The following ITSN2 variants were observed in gnomAD, a reference collection of about 807,000 sequenced individuals.
ITSN2 encodes intersectin-2.
Under a neutral mutation model 243.7 loss-of-function variants are expected in ITSN2, and 156 were observed. The ratio of observed to expected loss-of-function variants is 0.64; its 90% CI spans 0.56 to 0.73. The LOEUF (loss-of-function observed/expected upper bound fraction) is 0.73. Ranked by LOEUF, ITSN2 falls within the 30% of genes least tolerant of loss-of-function variation. The probability of loss-of-function intolerance (pLI) is 0.00; values close to 1 mark genes in which losing one functional copy is unlikely to be tolerated. For synonymous variants in ITSN2, 703 were observed against 699.9 expected (o/e 1.00, Z -0.07); for missense variants, 1,801 against 1,996.1 (o/e 0.90, Z 1.86).
At chr2:24,335,984 G>GT (rs1258129842) in intron 1 of ITSN2, among the ~76,000 whole-genome samples, 1 of 150,364 alleles carries the variant, frequency 6.7e-6, no homozygotes, top group Non-Finnish European at 1.5e-5. Flanking sequence ...GCTCAAGCCT[G>GT]TAATCCCAGC....
chr2:24,209,137 G>C lies in ITSN2; in HGVS notation c.4558C>G (p.Arg1520Gly). Residue 1520 changes from arginine to glycine, a missense_variant, in exon 36 of 40, where the codon CGG (arginine) becomes GGG (glycine). Coordinates refer to ENST00000355123, the MANE Select transcript of ITSN2 (RefSeq NM_006277.3). ...TTGTCTGTTCGGAGGGTGTAGACCC[G>C]ATCAATGTGGGAAATGTGGAAGACA... ...EPVFHISHID[R>G]VYTLRTDNIN... The C allele has an allele frequency of 6.2e-7, 1 of 1,614,030 alleles. No individual in the cohort carries two copies. The highest frequency in any genetic ancestry group is 8.5e-7 in the Non-Finnish European group (1 of 1,179,936).
rs1309046124 is a variant in ITSN2 at position 24,261,757 on chromosome 2, A to T, written c.2356-15T>A. On this transcript the variant is annotated splice_polypyrimidine_tract_variant and intron_variant, in intron 20 of 39. Coordinates refer to ENST00000355123, the MANE Select transcript of ITSN2 (RefSeq NM_006277.3). ...TTTTCATCAACCTACGGAAATAAAA[A>T]GAAGGATTAACAGTGCTTAGAAATT... The T allele has an allele frequency of 1.9e-6, 3 of 1,596,288 alleles. No homozygotes were observed. Among genetic ancestry groups the T allele is most frequent in the Non-Finnish European group, 2.6e-6 (3 of 1,166,538 alleles).
At chr2:24,253,962 A>G (rs1342584040) in intron 24 of ITSN2, among the ~76,000 whole-genome samples, 1 of 152,208 alleles carries the variant, frequency 6.6e-6, no homozygotes, top group Admixed American at 6.5e-5. Context: ...TCTTTGCAAT[A>G]CTTATGATAA....
chr2:24,205,466 T>C, intron 37 of ITSN2, 169 bp from the exon 38 acceptor site: 1 of 578,608 alleles, frequency 1.7e-6, no homozygotes, highest in Admixed American at 2.8e-5. Context: ...TGTTGCCTGC[T>C]AGGAAGCCCC....
At chr2:24,338,831 A>C (rs1469221496) in intron 1 of ITSN2, among the ~76,000 whole-genome samples, 7 of 152,146 alleles carry the variant, frequency 4.6e-5, no homozygotes, top group African/African-American at 1.7e-4. Context: ...ACTCTACAAA[A>C]ATAATAATAA....
chr2:24,334,641 A>G, intron 1 of ITSN2: 1 of 1,314,534 alleles, frequency 7.6e-7, no homozygotes, highest in East Asian at 2.3e-5. Flanking sequence ...TTATACAGGA[A>G]GCAGAGTGGT....
intron 29 of ITSN2, among the ~76,000 whole-genome samples, chr2:24,227,758 A>C (rs1184331352): frequency 1.3e-5 from 2 of 152,158 alleles, no homozygotes; most frequent in African/African-American, 4.8e-5. Context: ...TCTCTACTAA[A>C]AATACAAAAA....
At chr2:24,213,930 G>A (rs763431709) in intron 32 of ITSN2, among the ~76,000 whole-genome samples, 3 of 152,156 alleles carry the variant, frequency 2.0e-5, no homozygotes, top group Non-Finnish European at 4.4e-5. Flanking sequence ...GGAAAAATAC[G>A]ATAATCATTT....
At chr2:24,282,480 C>G (rs559535092) in intron 17 of ITSN2, among the ~76,000 whole-genome samples, 3 of 152,328 alleles carry the variant, frequency 2.0e-5, no homozygotes, top group South Asian at 2.1e-4. Context: ...TACACCAAGG[C>G]AAGAAACCCT....
chr2:24,238,961 C>A (rs990000040), intron 29 of ITSN2: 11 of 152,234 alleles, frequency 7.2e-5, no homozygotes, highest in Non-Finnish European at 1.3e-4. Context: ...AATAAACACA[C>A]TTGCATAGTT....
intron 3 of ITSN2, 137 bp downstream of exon 3, chr2:24,314,995 C>A (rs1332968337): frequency 4.5e-6 from 2 of 444,980 alleles, no homozygotes; most frequent in Non-Finnish European, 8.0e-6. Context: ...GTTAGCATTT[C>A]TTTAATTTCT....
chr2:24,218,045 T>A (rs557363516), intron 30 of ITSN2, 32 bp from the exon 31 acceptor site: 2 of 1,471,852 alleles, frequency 1.4e-6, no homozygotes, highest in East Asian at 4.5e-5. Flanking sequence ...ACTAGTTAGC[T>A]TAAGTGTGGA....
At chr2:24,302,672 G>A (rs920210574) in intron 9 of ITSN2, among the ~76,000 whole-genome samples, 2 of 152,148 alleles carry the variant, frequency 1.3e-5, no homozygotes, top group Admixed American at 6.5e-5. Flanking sequence ...AAAAGAGAGG[G>A]AAGAAACTTT....
At chr2:24,339,559 C>T (rs1201231370) in intron 1 of ITSN2, among the ~76,000 whole-genome samples, 1 of 151,510 alleles carries the variant, frequency 6.6e-6, no homozygotes, top group Non-Finnish European at 1.5e-5. Context: ...CAAGGAGGTA[C>T]AACAGAGGTG....
chr2:24,204,539 G>A lies in ITSN2; in HGVS notation c.4763-121C>T. 1.1e-6 allele frequency: 1 copy of A among 884,146 alleles called. No homozygotes were observed. The allele number at this position is 884,146 out of a possible 1,614,324, so 54.8% of individuals were successfully genotyped here. On this transcript the variant is annotated intron_variant, in intron 38 of 39. Transcript: ENST00000355123. This position sits in a 1 kb window ranked among gnomAD's most constrained non-coding sequence, Gnocchi z 5.1. Reference sequence around the variant, plus strand: ...GGGTCACTCGAGACCATGGCAGCAGGAGCCGCTGCCTGGGGCACCATATCC... The same window carrying A: ...GGGTCACTCGAGACCATGGCAGCAGAAGCCGCTGCCTGGGGCACCATATCC...
At chr2:24,341,860 T>C (rs1416496490) in intron 1 of ITSN2, among the ~76,000 whole-genome samples, 1 of 151,884 alleles carries the variant, frequency 6.6e-6, no homozygotes, top group Admixed American at 6.6e-5. Flanking sequence ...TCTCAAAAAA[T>C]ACATAGGAAA....
chr2:24,337,341 T>TATATATATATATATATAC (rs1686549540), intron 1 of ITSN2, among the ~76,000 whole-genome samples: 5 of 117,252 alleles, frequency 4.3e-5, no homozygotes, highest in East Asian at 2.4e-4. Flanking sequence ...TATATATATA[T>TATATATATATATATATAC]ATATATATAT....
rs771763669 is a variant in ITSN2 at position 24,203,744 on chromosome 2, C to T, written c.4976G>A (p.Arg1659Gln). ...GRTEIPVAKI[R>Q]TEQESKGPMT... The stretch of plus-strand genomic sequence containing the variant: ...AGGGCCTTTGCTTTCCTGTTCTGTT[C>T]GAATTTTTGCCACTGGAATTTCAGT... Residue 1659 changes from arginine (R) to glutamine (Q), a missense_variant, in exon 40 of 40, where the codon CGA becomes CAA. Physicochemically the swap from Arg to Gln is conservative, Grantham distance 43 (BLOSUM62 1). Coordinates refer to ENST00000355123, the MANE Select transcript of ITSN2 (RefSeq NM_006277.3). 2.0e-5 allele frequency: 33 copies of T among 1,613,942 alleles called. No homozygotes were observed. The highest frequency in any genetic ancestry group is 3.3e-5 in the South Asian group (3 of 91,072).
Position 24,275,703 on chromosome 2 carries a change from G to A in ITSN2, c.2081+10C>T. ...GCAATATAGCACAATAAATATATCA[G>A]CTATATTACCTTGCAGCCTCATCTT... On this transcript the variant is annotated intron_variant, in intron 18 of 39. Coordinates refer to ENST00000355123, the MANE Select transcript of ITSN2 (RefSeq NM_006277.3). The A allele has an allele frequency of 6.3e-7, 1 of 1,597,970 alleles. No homozygotes were observed. The highest frequency in any genetic ancestry group is 1.1e-5 in the South Asian group (1 of 89,526).
Sources: gnomAD v4.1 joint callset for allele counts (sites outside exome capture counted in the v4.1 genomes callset) on GRCh38, gnomAD v4.1.1 for gene constraint, Gnocchi (gnomAD v3.1) non-coding constraint, MANE v1.5 for transcripts, NCBI Gene and HGNC (gene_info 2026-07-23, HGNC 2026-07-21) for gene names.